The following SORD variants were observed in gnomAD, a reference collection of about 807,000 sequenced individuals.
SORD encodes (R,R)-butanediol dehydrogenase.
Under a neutral mutation model 35.6 loss-of-function variants are expected in SORD, and 18 were observed. The observed-to-expected ratio is 0.51, with a 90% CI of 0.35 to 0.75. The LOEUF is 0.75. Ranked by LOEUF, SORD falls within the 30% of genes least tolerant of loss-of-function variation. SORD has a pLI of 0.01. For synonymous variants in SORD, 106 were observed against 152.9 expected, an observed-to-expected ratio of 0.69 and a Z score of 2.26; for missense variants, 250 against 390.2, an observed-to-expected ratio of 0.64 and a Z score of 3.03.
At chr15:45,051,632 A>G (rs940812762) in intron 3 of SORD, among the ~76,000 whole-genome samples, 3 of 152,248 alleles carry the variant, frequency 2.0e-5, no homozygotes, top group African/African-American at 7.2e-5. Context: ...TAGCTTCCAA[A>G]CAATCTGTCT....
intron 3 of SORD, among the ~76,000 whole-genome samples, chr15:45,060,408 T>C (rs1299834263): frequency 6.6e-6 from 1 of 152,042 alleles, no homozygotes; most frequent in Non-Finnish European, 1.5e-5. Context: ...TCCAAGCAGG[T>C]GTAGTGAGGC....
intron 1 of SORD, among the ~76,000 whole-genome samples, chr15:45,029,214 T>C (rs796747733): frequency 0.21 from 31,161 of 150,744 alleles, no homozygotes; most frequent in African/African-American, 0.44. Flanking sequence ...GGACATACCA[T>C]TTCAAATTCA....
chr15:45,042,604 A>C (rs1308150838), intron 2 of SORD: 1 of 152,538 alleles, frequency 6.6e-6, no homozygotes, highest in Non-Finnish European at 1.5e-5. Context: ...ATTCTACCAG[A>C]CCTTTTCTCA....
At chr15:45,049,910 A>G (rs979641459) in intron 3 of SORD, among the ~76,000 whole-genome samples, 3 of 152,270 alleles carry the variant, frequency 2.0e-5, no homozygotes, top group Non-Finnish European at 4.4e-5. Flanking sequence ...TTCTCTTGCC[A>G]GTCCTCACTT....
At chr15:45,069,551 T>C (rs558361526) in intron 7 of SORD, among the ~76,000 whole-genome samples, 59 of 152,226 alleles carry the variant, frequency 3.9e-4, no homozygotes, top group African/African-American at 1.4e-3. Context: ...TACATCCTTA[T>C]TGGGCCATCT....
At chr15:45,027,181 A>T (rs115085859) in intron 1 of SORD, among the ~76,000 whole-genome samples, 29,350 of 147,160 alleles carry the variant, frequency 0.2, no homozygotes, top group African/African-American at 0.44. Flanking sequence ...TGAATAGAGA[A>T]AGTTTGAGAG....
At chr15:45,046,249 T>C (rs907724070) in intron 3 of SORD, among the ~76,000 whole-genome samples, 47 of 151,936 alleles carry the variant, frequency 3.1e-4, no homozygotes, top group African/African-American at 1.1e-3. Flanking sequence ...AATATAGACA[T>C]TTTATTTTTT....
At chr15:45,052,959 A>C (rs1893151561) in intron 3 of SORD, among the ~76,000 whole-genome samples, 1 of 152,200 alleles carries the variant, frequency 6.6e-6, no homozygotes, top group African/African-American at 2.4e-5. Context: ...GGTCATCTCA[A>C]GTATTGAACA....
At chr15:45,060,863 C>A (rs1274195664) in intron 3 of SORD, 6 of 1,173,824 alleles carry the variant, frequency 5.1e-6, no homozygotes, top group Non-Finnish European at 5.8e-6. Flanking sequence ...TCCTCACTTG[C>A]CTAGGACACC....
At position 45,023,285 on chromosome 15, in the gene SORD, TGGC is replaced by T. The variant is rs1326364712; in HGVS notation, c.12_14del (p.Ala5?). On this transcript the variant is annotated start_lost and inframe_deletion, in exon 1 of 9. Transcript: ENST00000267814. Reference sequence around the variant, plus strand: ...GCACTCCAGAGCCAAAAGAGCTCCATGGCGGCGGCGGCCAAGCCCAACAACCTT... The same window carrying T: ...GCACTCCAGAGCCAAAAGAGCTCCATGGCGGCGGCCAAGCCCAACAACCTT... 6 of 1,583,402 alleles carry T rather than the reference TGGC, an allele frequency of 3.8e-6. No individual in the cohort carries two copies. The highest frequency in any genetic ancestry group is 4.7e-5 in the East Asian group (2 of 42,392).
At chr15:45,039,171 C>T (rs540454391) in intron 1 of SORD, among the ~76,000 whole-genome samples, 1 of 152,116 alleles carries the variant, frequency 6.6e-6, no homozygotes, top group South Asian at 2.1e-4. Context: ...CCCTGTCACG[C>T]AGGCTGAAGT....
intron 1 of SORD, chr15:45,036,304 T>C: frequency 2.2e-6 from 1 of 455,922 alleles, no homozygotes; most frequent in Non-Finnish European, 4.4e-6. Flanking sequence ...TATGTATTTC[T>C]GACTTGAAGT....
chr15:45,025,691 G>T (rs1892657403), intron 1 of SORD, among the ~76,000 whole-genome samples: 2 of 151,952 alleles, frequency 1.3e-5, no homozygotes, highest in Non-Finnish European at 2.9e-5. Context: ...AATTTCCTTG[G>T]GTGCAGGGGT....
At chr15:45,069,243 G>C (rs1324080790) in intron 7 of SORD, among the ~76,000 whole-genome samples, 191 bp downstream of exon 7, 2 of 117,066 alleles carry the variant, frequency 1.7e-5, no homozygotes, top group Admixed American at 2.6e-4. Flanking sequence ...GTCTCACTCA[G>C]TCGCCCAGGC....
chr15:45,041,097 T>A (rs1892958549), intron 2 of SORD, among the ~76,000 whole-genome samples: 1 of 152,222 alleles, frequency 6.6e-6, no homozygotes, highest in South Asian at 2.1e-4. Context: ...GGGGCTTAGC[T>A]GACATGCTGA....
chr15:45,036,490 G>A (rs1158091345), intron 1 of SORD: 2 of 368,566 alleles, frequency 5.4e-6, no homozygotes, highest in East Asian at 8.5e-5. Context: ...CCAGGAGTTC[G>A]AGATCAGCCT....
intron 1 of SORD, among the ~76,000 whole-genome samples, chr15:45,028,331 C>CA (rs1041022757): frequency 2.6e-5 from 4 of 152,168 alleles, no homozygotes; most frequent in African/African-American, 9.6e-5. Context: ...TATCTCAAAA[C>CA]AAAAACAAAC....
chr15:45,039,938 G>C (rs1892939230), intron 1 of SORD, among the ~76,000 whole-genome samples: 1 of 152,188 alleles, frequency 6.6e-6, no homozygotes, highest in Non-Finnish European at 1.5e-5. Flanking sequence ...GATCCCTTCT[G>C]CCTAGAGTTA....
intron 3 of SORD, among the ~76,000 whole-genome samples, chr15:45,046,658 A>G (rs1201216353): frequency 6.6e-6 from 1 of 152,240 alleles, no homozygotes; most frequent in Admixed American, 6.5e-5. Context: ...TAAAATTCTA[A>G]TCAACTAATC....
Sources: gnomAD v4.1 joint callset for allele counts (sites outside exome capture counted in the v4.1 genomes callset) on GRCh38, gnomAD v4.1.1 for gene constraint, MANE v1.5 for transcripts, NCBI Gene and HGNC (gene_info 2026-07-23, HGNC 2026-07-21) for gene names.